RARA: variants seen among roughly 807,000 people sequenced by gnomAD.
RARA encodes the protein retinoic acid receptor alpha.
RARA carries 5 observed loss-of-function variants against 42.8 expected under a neutral mutation model. The ratio of observed to expected loss-of-function variants is 0.12; its 90% CI spans 0.06 to 0.25. The LOEUF (loss-of-function observed/expected upper bound fraction) is 0.25. RARA is among the 10% of genes least tolerant of loss of function. The pLI is 1.00. For synonymous variants in RARA, 256 were observed against 259.5 expected (o/e 0.99, Z 0.13); for missense variants, 402 against 628.7 (o/e 0.64, Z 3.86).
Position 40,348,306 on chromosome 17 carries a change from C to T in RARA, c.179-10C>T, listed in dbSNP as rs377531158. On this transcript the variant is annotated splice_polypyrimidine_tract_variant and intron_variant, in intron 2 of 8. Coordinates refer to ENST00000254066, the MANE Select transcript of RARA (RefSeq NM_000964.4). ...GGTCTCTAACTGCCCCTCCCCTCTT[C>T]TCTCTCTAGCCATTGAGACCCAGAG... 6.4e-7 allele frequency: 1 copy of T among 1,568,144 alleles called. No homozygotes were observed. Among genetic ancestry groups the T allele is most frequent in the Non-Finnish European group, 8.6e-7 (1 of 1,157,124 alleles).
chr17:40,340,115 A>C (rs1598563149), intron 2 of RARA, among the ~76,000 whole-genome samples: 1 of 139,628 alleles, frequency 7.2e-6, no homozygotes, highest in African/African-American at 2.6e-5. Flanking sequence ...CATACCCCTT[A>C]CCCCCACCCC....
intron 6 of RARA, among the ~76,000 whole-genome samples, chr17:40,353,278 G>A (rs1409270334): frequency 6.6e-6 from 1 of 152,030 alleles, no homozygotes. Context: ...AGACTGGGCT[G>A]GAGGCTGGAT....
Position 40,309,856 on chromosome 17 carries a change from C to T in RARA, c.-363+570C>T, listed in dbSNP as rs190141524. Among the ~76,000 whole-genome samples the T allele has an allele frequency of 9.2e-5, 14 of 152,318 alleles. No homozygotes were observed. The East Asian group carries it at 2.5e-3, about 27-fold the overall frequency. Reference sequence around the variant, plus strand: ...TTGTGAGCATTTTGGTGAGCTTTTCCTCTAGGAAAGTTCTTTCAGCTTAGA... The same window carrying T: ...TTGTGAGCATTTTGGTGAGCTTTTCTTCTAGGAAAGTTCTTTCAGCTTAGA... On this transcript the variant is annotated intron_variant, in intron 1 of 8. Transcript: ENST00000254066.
At chr17:40,346,726 G>T (rs1598575606) in intron 2 of RARA, among the ~76,000 whole-genome samples, 1 of 150,932 alleles carries the variant, frequency 6.6e-6, no homozygotes, top group African/African-American at 2.4e-5. Context: ...AGAAAACCAG[G>T]CCAGGGCAGT....
rs1022636786 is a variant in RARA at position 40,331,263 on chromosome 17, C to T, written c.45C>T (p.His15=). The change falls in exon 2 of 9, where the codon CAC becomes CAT. Residue 15 remains histidine, a synonymous_variant. Transcript: ENST00000254066. ...SSSCPTPGGG[H]LNGYPVPPYA... ...CCTGCCCGACACCTGGGGGCGGGCA[C>T]CTCAATGGGTACCCGGTGCCTCCCT... The T allele has an allele frequency of 1.9e-6, 3 of 1,613,606 alleles. No homozygotes were observed. Among genetic ancestry groups the T allele is most frequent in the South Asian group, 1.1e-5 (1 of 91,086 alleles).
intron 1 of RARA, among the ~76,000 whole-genome samples, chr17:40,323,508 G>A (rs568712585): frequency 1.3e-5 from 2 of 151,954 alleles, no homozygotes; most frequent in African/African-American, 4.8e-5. Flanking sequence ...GGGCTGGGGA[G>A]GTGGGGGCTC....
rs1446572874 is a variant in RARA at position 40,341,326 on chromosome 17, C to T, written c.179-6990C>T. 4.3e-6 allele frequency: 6 copies of T among 1,400,028 alleles called. No individual in the cohort carries two copies. The African/African-American group carries it at 7.5e-5, about 17-fold the overall frequency. The allele number at this position is 1,400,028 out of a possible 1,614,324, so 86.7% of individuals were successfully genotyped here. On this transcript the variant is annotated intron_variant, in intron 2 of 8. Transcript: ENST00000254066. ...CAGAGCGTGGGGAGGAGGGCCCCCT[C>T]TGCCTGTGTTTGTGCCAACAGCACC...
At chr17:40,338,706 CAAAAA>C (rs34668171) in intron 2 of RARA, among the ~76,000 whole-genome samples, 1 of 52,418 alleles carries the variant, frequency 1.9e-5, no homozygotes, top group Non-Finnish European at 4.0e-5. Context: ...GACTTGGACT[CAAAAA>C]AAAAAAAAAA....
chr17:40,339,703 T>A (rs12947188), intron 2 of RARA, among the ~76,000 whole-genome samples: 13,953 of 152,206 alleles, frequency 0.092, 2,170 homozygotes, highest in African/African-American at 0.32. Flanking sequence ...TCCTTATTTA[T>A]TTTTTAACAA....
chr17:40,335,802 G>A (rs1442725559), intron 2 of RARA, among the ~76,000 whole-genome samples: 1 of 152,056 alleles, frequency 6.6e-6, no homozygotes, highest in Non-Finnish European at 1.5e-5. Context: ...CCAGGAATTT[G>A]AGACAAGCCT....
chr17:40,356,329 C>T lies in RARA; in HGVS notation c.*103C>T. 1 of 1,277,274 alleles carries T rather than the reference C, an allele frequency of 7.8e-7. No individual in the cohort carries two copies. The highest frequency in any genetic ancestry group is 1.1e-6 in the Non-Finnish European group (1 of 907,518). 79.1% of individuals were successfully genotyped at this position (1,277,274 alleles called of 1,614,324 possible). ...CACCAGCCCTGCCCCCACCTGCCCT[C>T]CCGGGCAGTACTGGGGACCTTCCCT... On this transcript the variant is annotated 3_prime_UTR_variant, in exon 9 of 9. Coordinates refer to ENST00000254066, the MANE Select transcript of RARA (RefSeq NM_000964.4).
At chr17:40,328,198 G>T (rs1018108700) in intron 1 of RARA, among the ~76,000 whole-genome samples, 1 of 152,216 alleles carries the variant, frequency 6.6e-6, no homozygotes, top group Non-Finnish European at 1.5e-5. Flanking sequence ...GCCTTGGCAG[G>T]AACTCCCCCT....
rs1471663982 is a variant in RARA, at chr17:40,354,348, C to T, written c.854C>T (p.Thr285Ile). ...TRYTPEQDTM[T>I]FSDGLTLNRT... ...TACACGCCCGAGCAGGACACCATGACCTTCTCGGACGGGCTGACCCTGAAC... is the reference window on the plus strand; with the variant it reads ...TACACGCCCGAGCAGGACACCATGATCTTCTCGGACGGGCTGACCCTGAAC... The change falls in exon 7 of 9, where the codon ACC (threonine) becomes ATC (isoleucine). Residue 285 changes from threonine (T) to isoleucine (I), a missense_variant. By Grantham distance (89) the Thr-to-Ile change is moderately conservative (BLOSUM62 -1). Around this residue, in one of 5 missense-constraint regions of RARA, gnomAD observed 4 missense variants for 35.8 expected, o/e 0.11. Coordinates refer to ENST00000254066, the MANE Select transcript of RARA (RefSeq NM_000964.4). The surrounding 1 kb of genome is among the most constrained non-coding windows in gnomAD (Gnocchi z 4.5). 1 of 1,614,204 alleles carries T rather than the reference C, an allele frequency of 6.2e-7. No homozygotes were observed. The highest frequency in any genetic ancestry group is 1.7e-5 in the Admixed American group (1 of 60,022).
chr17:40,325,903 C>A (rs1407969792), intron 1 of RARA, among the ~76,000 whole-genome samples: 1 of 152,162 alleles, frequency 6.6e-6, no homozygotes, highest in Non-Finnish European at 1.5e-5. Flanking sequence ...AGTTTGGGGT[C>A]CCCTGCTCTT....
At chr17:40,325,931 G>GAC (rs1275999441) in intron 1 of RARA, among the ~76,000 whole-genome samples, 1 of 152,194 alleles carries the variant, frequency 6.6e-6, no homozygotes, top group Non-Finnish European at 1.5e-5. Flanking sequence ...GAGTATAAGG[G>GAC]AGGAAATGGT....
At chr17:40,312,798 G>T (rs1204978721) in intron 1 of RARA, among the ~76,000 whole-genome samples, 2 of 152,200 alleles carry the variant, frequency 1.3e-5, no homozygotes, top group African/African-American at 2.4e-5. Context: ...CCCTTGCAGA[G>T]AAGGAAACTG....
chr17:40,313,892 C>G (rs1397934262), intron 1 of RARA, among the ~76,000 whole-genome samples: 2 of 152,064 alleles, frequency 1.3e-5, no homozygotes, highest in African/African-American at 4.8e-5. Context: ...GCTGTTTAGC[C>G]TGTCAACTCT....
chr17:40,324,230 G>T (rs2072219892), intron 1 of RARA, among the ~76,000 whole-genome samples: 1 of 152,158 alleles, frequency 6.6e-6, no homozygotes, highest in Admixed American at 6.5e-5. Flanking sequence ...AGAGCTGCCT[G>T]CGTATGGTCC....
At chr17:40,316,483 G>A (rs1425808233) in intron 1 of RARA, among the ~76,000 whole-genome samples, 1 of 152,240 alleles carries the variant, frequency 6.6e-6, no homozygotes, top group Non-Finnish European at 1.5e-5. Context: ...CCTGAAGGTC[G>A]TCCCACTTGG....
Sources: gnomAD v4.1 joint callset for allele counts (sites outside exome capture counted in the v4.1 genomes callset) on GRCh38, gnomAD v4.1.1 for gene constraint, gnomAD v4.1.1 regional missense constraint, Gnocchi (gnomAD v3.1) non-coding constraint, MANE v1.5 for transcripts, NCBI Gene and HGNC (gene_info 2026-07-23, HGNC 2026-07-21) for gene names.